The following PDE1A variants were observed in gnomAD, a reference collection of about 807,000 sequenced individuals.
PDE1A encodes phosphodiesterase 1A, also known as dual specificity calcium/calmodulin-dependent 3',5'-cyclic nucleotide phosphodiesterase 1A.
A neutral mutation model predicts 61.7 loss-of-function variants in PDE1A; 35 were observed. The ratio of observed to expected loss-of-function variants is 0.57; its 90% CI spans 0.43 to 0.75. The LOEUF (loss-of-function observed/expected upper bound fraction) is 0.75. PDE1A is among the 30% of genes least tolerant of loss of function. PDE1A has a pLI of 0.00. For missense variants in PDE1A, 597 were observed against 630.6 expected (o/e 0.95, Z 0.57); for synonymous variants, 232 against 213.2 (o/e 1.09, Z -0.77).
chr2:182,184,014 G>GAAAGA (rs1333772732), intron 13 of PDE1A, among the ~76,000 whole-genome samples: 1 of 39,922 alleles, frequency 2.5e-5, no homozygotes, highest in African/African-American at 5.7e-5. Context: ...AGAGAAGAAA[G>GAAAGA]AAAGAAAGAA....
rs537595116 is a variant in PDE1A at position 182,453,373 on chromosome 2, T to C, written c.101+68903A>G. Reference sequence around the variant, plus strand: ...TCAACAAGACAACTCCATAGCCAAATTGGACACATGATGCCCGATTTGGTC... The same window carrying C: ...TCAACAAGACAACTCCATAGCCAAACTGGACACATGATGCCCGATTTGGTC... On this transcript the variant is annotated intron_variant, in intron 2 of 14. Coordinates refer to the PDE1A transcript ENST00000410103. Among the ~76,000 whole-genome samples the C allele has an allele frequency of 5.3e-4, 80 of 152,024 alleles. 1 individual carries two copies. Among genetic ancestry groups the C allele is most frequent in the African/African-American group, 1.8e-3 (76 of 41,486 alleles).
intron 13 of PDE1A, among the ~76,000 whole-genome samples, chr2:182,177,865 C>T (rs1366390037): frequency 6.6e-6 from 1 of 152,124 alleles, no homozygotes; most frequent in Non-Finnish European, 1.5e-5. Context: ...AGTTCCATCA[C>T]ATTAAATCAC....
At chr2:182,620,811 G>A in the PDE1A span, among the ~76,000 whole-genome samples, 2 of 152,060 alleles carry the variant, frequency 1.3e-5, no homozygotes, top group Non-Finnish European at 2.9e-5. Flanking sequence ...GCTCATTTGA[G>A]TTCGCAACTC....
At chr2:182,601,664 C>A in the PDE1A span, among the ~76,000 whole-genome samples, 1 of 152,200 alleles carries the variant, frequency 6.6e-6, no homozygotes, top group African/African-American at 2.4e-5. Flanking sequence ...TAGCTCCTTT[C>A]TGCAGCTAGG....
At chr2:182,457,673 T>C (rs772048163) in intron 2 of PDE1A, among the ~76,000 whole-genome samples, 8 of 152,076 alleles carry the variant, frequency 5.3e-5, no homozygotes, top group Admixed American at 1.3e-4. Flanking sequence ...CATTCTTATG[T>C]AAGTAAATTA....
At chr2:182,701,179 C>T in the PDE1A span, among the ~76,000 whole-genome samples, 6 of 141,018 alleles carry the variant, frequency 4.3e-5, no homozygotes, top group Non-Finnish European at 7.6e-5. Flanking sequence ...AGACTACAGT[C>T]GCCTGCCACC....
chr2:182,417,039 C>T (rs911235440), intron 1 of PDE1A, among the ~76,000 whole-genome samples: 7 of 152,192 alleles, frequency 4.6e-5, no homozygotes, highest in African/African-American at 1.4e-4. Flanking sequence ...TACACAGTCA[C>T]GCAATAGACA....
rs574375572 is a variant in PDE1A at position 182,197,785 on chromosome 2, A to T, written c.1125+3654T>A. On this transcript the variant is annotated intron_variant, in intron 10 of 13. Coordinates refer to ENST00000351439, the Ensembl canonical transcript of PDE1A. ...CCTAGCCCTATGCCCTATGCCAATA[A>T]CACAGTGCCTTGATCACTGTAGCTT... Among the ~76,000 whole-genome samples, 11 of 152,020 alleles carry T rather than the reference A, an allele frequency of 7.2e-5. No homozygotes were observed. In the South Asian group the frequency reaches 2.1e-3, roughly 29 times the overall value.
At chr2:182,579,605 AT>A in the PDE1A span, among the ~76,000 whole-genome samples, 1 of 152,224 alleles carries the variant, frequency 6.6e-6, no homozygotes, top group African/African-American at 2.4e-5. Context: ...GGCTATGAGT[AT>A]ATAGAGCCAC....
Position 182,358,845 on chromosome 2 carries a change from G to A in PDE1A, c.53+67733C>T, listed in dbSNP as rs374954157. Among the ~76,000 whole-genome samples the A allele has an allele frequency of 5.8e-4, 89 of 152,180 alleles. 1 individual carries two copies. Among genetic ancestry groups the A allele is most frequent in the African/African-American group, 2.1e-3 (86 of 41,558 alleles). ...TAATTTCCTGAAAGTTTTGTTTCTT[G>A]TTATTAGAAGAGATGGCATTCAAAC... On this transcript the variant is annotated intron_variant, in intron 1 of 13. Transcript: ENST00000351439.
chr2:182,314,830 A>G (rs970184757), intron 1 of PDE1A, among the ~76,000 whole-genome samples: 1 of 152,084 alleles, frequency 6.6e-6, no homozygotes, highest in African/African-American at 2.4e-5. Context: ...CATGCAATGT[A>G]TTATATGTTA....
At chr2:182,466,393 ATGTT>A (rs1686669800) in intron 2 of PDE1A, among the ~76,000 whole-genome samples, 1 of 152,030 alleles carries the variant, frequency 6.6e-6, no homozygotes, top group African/African-American at 2.4e-5. Flanking sequence ...CTTAAATAAA[ATGTT>A]TGTCATTGAT....
At chr2:182,413,162 T>C (rs1261324317) in intron 1 of PDE1A, among the ~76,000 whole-genome samples, 3 of 152,076 alleles carry the variant, frequency 2.0e-5, no homozygotes, top group Non-Finnish European at 2.9e-5. Flanking sequence ...AGAGATGGAA[T>C]AGATGGAGAG....
intron 2 of PDE1A, among the ~76,000 whole-genome samples, chr2:182,446,434 T>G (rs886750251): frequency 2.0e-5 from 3 of 152,124 alleles, no homozygotes; most frequent in African/African-American, 7.2e-5. Context: ...TTTACTGCCA[T>G]TAAACATTTG....
the PDE1A span, among the ~76,000 whole-genome samples, chr2:182,544,293 T>G: frequency 2.0e-5 from 3 of 152,122 alleles, no homozygotes; most frequent in East Asian, 1.9e-4. Flanking sequence ...CCCTGACAGA[T>G]AGTGGTAAAC....
In PDE1A at chr2:182,323,320, A is replaced by C. The variant is rs575179136; in HGVS notation, c.54-58906T>G. Among the ~76,000 whole-genome samples, 9 of 152,162 alleles carry C rather than the reference A, an allele frequency of 5.9e-5. 1 individual carries two copies. Among genetic ancestry groups the C allele is most frequent in the African/African-American group, 2.2e-4 (9 of 41,498 alleles). On this transcript the variant is annotated intron_variant, in intron 1 of 13. Transcript: ENST00000351439. ...GGAAATGAAAACAGACAAACAAAAA[A>C]CTCCCATTTCTTCTCTCCAAATAAG...
chr2:182,531,707 G>GT, the PDE1A span, among the ~76,000 whole-genome samples: 1 of 152,126 alleles, frequency 6.6e-6, no homozygotes, highest in South Asian at 2.1e-4. Flanking sequence ...ATATTTGTGG[G>GT]TTTTTTAATA....
chr2:182,186,005 C>G, exon 13 of PDE1A: 1 of 1,614,040 alleles, frequency 6.2e-7, no homozygotes, highest in Non-Finnish European at 8.5e-7. Flanking sequence ...GGAATAGGAC[C>G]CATCACTCAT....
At chr2:182,342,578 G>T (rs1221992622) in intron 1 of PDE1A, among the ~76,000 whole-genome samples, 1 of 152,228 alleles carries the variant, frequency 6.6e-6, no homozygotes, top group African/African-American at 2.4e-5. Context: ...AGCTACTCAG[G>T]AGGCTGAGGC....
Sources: gnomAD v4.1 joint callset for allele counts (sites outside exome capture counted in the v4.1 genomes callset) on GRCh38, gnomAD v4.1.1 for gene constraint, MANE v1.5 for transcripts, NCBI Gene and HGNC (gene_info 2026-07-23, HGNC 2026-07-21) for gene names.